The following ACAD11 variants were observed in gnomAD, a reference collection of about 807,000 sequenced individuals.
ACAD11 encodes acyl-CoA dehydrogenase family member 11.
A neutral mutation model predicts 102.2 loss-of-function variants in ACAD11; 83 were observed. The observed-to-expected ratio is 0.81, with a 90% CI of 0.68 to 0.97. ACAD11 has a LOEUF of 0.97. Among genes scored for constraint, ACAD11 ranks in the 50% least tolerant of loss-of-function variants. The pLI is 0.00. For missense variants in ACAD11, 901 were observed against 951.7 expected (o/e 0.95, Z 0.70); for synonymous variants, 324 against 319.8 (o/e 1.01, Z -0.14).
intron 13 of ACAD11, among the ~76,000 whole-genome samples, chr3:132,582,279 G>C (rs2107797579): frequency 6.7e-6 from 1 of 149,520 alleles, no homozygotes; most frequent in East Asian, 2.0e-4. Context: ...AATTAAGAAA[G>C]AGAAAAAATA....
intron 8 of ACAD11, among the ~76,000 whole-genome samples, chr3:132,627,293 C>T (rs1015148535): frequency 1.3e-5 from 2 of 152,152 alleles, no homozygotes; most frequent in African/African-American, 2.4e-5. Flanking sequence ...TGAGAGCTTT[C>T]TTTTCGCTTA....
chr3:132,647,421 T>A (rs1341206218), intron 1 of ACAD11: 1 of 152,186 alleles, frequency 6.6e-6, no homozygotes, highest in Non-Finnish European at 1.5e-5. Context: ...CTAACCTCCA[T>A]TAACAAATAG....
intron 5 of ACAD11, among the ~76,000 whole-genome samples, chr3:132,636,443 C>T (rs756276378): frequency 6.6e-6 from 1 of 151,652 alleles, no homozygotes; most frequent in African/African-American, 2.4e-5. Flanking sequence ...TATTGGCATT[C>T]GAAACAAACA....
intron 11 of ACAD11, among the ~76,000 whole-genome samples, chr3:132,612,813 T>C (rs1939215256): frequency 6.6e-6 from 1 of 152,024 alleles, no homozygotes; most frequent in Non-Finnish European, 1.5e-5. Context: ...TGGAAGTCAG[T>C]ATGGCGATTC....
At chr3:132,635,708 T>A (rs1242233389) in intron 5 of ACAD11, among the ~76,000 whole-genome samples, 1 of 152,182 alleles carries the variant, frequency 6.6e-6, no homozygotes, top group East Asian at 1.9e-4. Flanking sequence ...ACACAACAGA[T>A]GGCCAATATG....
intron 9 of ACAD11, among the ~76,000 whole-genome samples, chr3:132,626,249 C>T (rs1163099566): frequency 6.6e-6 from 1 of 152,106 alleles, no homozygotes; most frequent in African/African-American, 2.4e-5. Flanking sequence ...CTTATTGAAA[C>T]TTAATGCCTT....
chr3:132,593,562 A>G (rs1173974577), intron 13 of ACAD11, among the ~76,000 whole-genome samples: 1 of 152,212 alleles, frequency 6.6e-6, no homozygotes, highest in East Asian at 1.9e-4. Context: ...TTAGAAAAAC[A>G]GACATTTCTA....
intron 1 of ACAD11, among the ~76,000 whole-genome samples, chr3:132,656,001 C>A (rs73860788): frequency 1.3e-5 from 2 of 152,158 alleles, no homozygotes; most frequent in African/African-American, 2.4e-5. Context: ...ATTTTCACTA[C>A]CCGGAGAAAA....
At chr3:132,616,550 G>A (rs1939416331) in intron 11 of ACAD11, among the ~76,000 whole-genome samples, 1 of 151,930 alleles carries the variant, frequency 6.6e-6, no homozygotes, top group African/African-American at 2.4e-5. Flanking sequence ...AGAAACTCTT[G>A]TTTTGTGAAA....
chr3:132,600,690 C>T (rs1938539465), intron 13 of ACAD11: 1 of 1,613,834 alleles, frequency 6.2e-7, no homozygotes, highest in Middle Eastern at 1.7e-4. Context: ...CCTTTTTGGG[C>T]TGTTAATGCA....
intron 17 of ACAD11, among the ~76,000 whole-genome samples, chr3:132,562,769 G>T (rs991904431): frequency 2.0e-5 from 3 of 151,942 alleles, no homozygotes; most frequent in Non-Finnish European, 4.4e-5. Context: ...TTTTTAATTG[G>T]GTTGTTTTCT....
At chr3:132,567,783 A>G (rs1405663357) in intron 17 of ACAD11, among the ~76,000 whole-genome samples, 1 of 152,192 alleles carries the variant, frequency 6.6e-6, no homozygotes, top group Non-Finnish European at 1.5e-5. Flanking sequence ...ATTATACCTA[A>G]CATTCCCCTA....
At chr3:132,593,573 T>A (rs1479607479) in intron 13 of ACAD11, among the ~76,000 whole-genome samples, 1 of 152,192 alleles carries the variant, frequency 6.6e-6, no homozygotes, top group Non-Finnish European at 1.5e-5. Context: ...GACATTTCTA[T>A]ACATTATTGG....
intron 11 of ACAD11, among the ~76,000 whole-genome samples, chr3:132,612,699 T>C (rs1196698927): frequency 6.6e-6 from 1 of 151,972 alleles, no homozygotes. Context: ...CCAGTTAGAA[T>C]GGCAATCATT....
In ACAD11 at chr3:132,586,535, C is replaced by A. The variant is rs76567370; in HGVS notation, c.1622-6977G>T. On this transcript the variant is annotated intron_variant, in intron 13 of 19. Transcript: ENST00000264990. ...ATTAAATTGACCAAGAGATGTCCCA[C>A]TGCAATCAGATACCAAATATGTTGG... Among the ~76,000 whole-genome samples the A allele has an allele frequency of 6.2e-3, 950 of 152,132 alleles. 7 individuals carry two copies. The highest frequency in any genetic ancestry group is 0.022 in the African/African-American group (925 of 41,520).
intron 8 of ACAD11, chr3:132,627,160 G>T (rs1015489333): frequency 6.1e-6 from 1 of 162,690 alleles, no homozygotes; most frequent in African/African-American, 2.4e-5. Context: ...GGAATGGGGT[G>T]GAGCCACCGG....
chr3:132,562,151 C>A (rs1229634600), intron 17 of ACAD11, among the ~76,000 whole-genome samples: 1 of 152,202 alleles, frequency 6.6e-6, no homozygotes, highest in Non-Finnish European at 1.5e-5. Flanking sequence ...GTCGCCCAGG[C>A]TGGAGTGCAG....
intron 17 of ACAD11, among the ~76,000 whole-genome samples, chr3:132,575,379 G>A (rs1289716037): frequency 6.6e-6 from 1 of 152,012 alleles, no homozygotes; most frequent in African/African-American, 2.4e-5. Context: ...CCTGAGTTTT[G>A]GGCTGTTTTC....
chr3:132,601,226 A>G (rs570557930), intron 13 of ACAD11: 2 of 1,613,950 alleles, frequency 1.2e-6, no homozygotes, highest in South Asian at 2.2e-5. Flanking sequence ...CAGCTGCAAC[A>G]TGAGCAAACG....
Sources: allele counts gnomAD v4.1 joint callset (sites outside exome capture counted in the v4.1 genomes callset), GRCh38; gene constraint gnomAD v4.1.1; transcripts MANE v1.5; gene names NCBI Gene and HGNC (gene_info 2026-07-23, HGNC 2026-07-21).